The following SLC6A11 variants were observed in gnomAD, a reference collection of about 807,000 sequenced individuals.
SLC6A11 encodes the protein sodium- and chloride-dependent GABA transporter 3.
In SLC6A11, 25 loss-of-function variants were observed where a neutral mutation model predicts 74.8. The observed-to-expected ratio is 0.33, with a 90% confidence interval of 0.24 to 0.47. The LOEUF (loss-of-function observed/expected upper bound fraction) is 0.47. SLC6A11 is among the 20% of genes least tolerant of loss of function. The pLI is 1.00. For missense variants in SLC6A11, 574 were observed against 837.0 expected (o/e 0.69, Z 3.88); for synonymous variants, 330 against 330.2 (o/e 1.00, Z 0.01).
intron 6 of SLC6A11, among the ~76,000 whole-genome samples, chr3:10,886,120 T>C (rs908368072): frequency 2.0e-5 from 3 of 152,226 alleles, no homozygotes; most frequent in African/African-American, 7.2e-5. Flanking sequence ...TCTCTCAGGA[T>C]TGCAGTCTAG....
chr3:10,902,823 C>T (rs536623613), intron 6 of SLC6A11, among the ~76,000 whole-genome samples: 2 of 152,288 alleles, frequency 1.3e-5, no homozygotes, highest in African/African-American at 4.8e-5. Context: ...TTCATTTGTT[C>T]GTAAGCCCAA....
chr3:10,923,324 G>C (rs1395862880), intron 8 of SLC6A11, among the ~76,000 whole-genome samples: 1 of 151,002 alleles, frequency 6.6e-6, no homozygotes, highest in Non-Finnish European at 1.5e-5. Flanking sequence ...GGTGAAGCTA[G>C]AACATTTTTG....
At chr3:10,859,092 A>G (rs1302632968) in intron 5 of SLC6A11, among the ~76,000 whole-genome samples, 1 of 152,228 alleles carries the variant, frequency 6.6e-6, no homozygotes, top group East Asian at 1.9e-4. Flanking sequence ...GGATTCTATG[A>G]CCAAGCTTTA....
intron 5 of SLC6A11, among the ~76,000 whole-genome samples, chr3:10,874,015 ATACCAT>A (rs1694878657): frequency 1.3e-5 from 2 of 152,068 alleles, no homozygotes; most frequent in African/African-American, 2.4e-5. Context: ...ATGCTATGCT[ATACCAT>A]CCTATCCTAT....
chr3:10,877,572 C>T (rs952726123), intron 6 of SLC6A11, among the ~76,000 whole-genome samples: 3 of 152,204 alleles, frequency 2.0e-5, no homozygotes, highest in Non-Finnish European at 4.4e-5. Context: ...TGATCAGCCA[C>T]AACCCTCTGA....
At chr3:10,879,864 A>G (rs1282374375) in intron 6 of SLC6A11, among the ~76,000 whole-genome samples, 3 of 152,220 alleles carry the variant, frequency 2.0e-5, no homozygotes, top group South Asian at 2.1e-4. Context: ...AAATGCTTCA[A>G]TGAGCATTGG....
chr3:10,872,723 T>C (rs528548822), intron 5 of SLC6A11, among the ~76,000 whole-genome samples: 6 of 152,268 alleles, frequency 3.9e-5, no homozygotes, highest in African/African-American at 1.2e-4. Context: ...AATAAAGGAA[T>C]ACATGAATGA....
chr3:10,894,239 G>A (rs1695143294), intron 6 of SLC6A11, among the ~76,000 whole-genome samples: 1 of 152,216 alleles, frequency 6.6e-6, no homozygotes, highest in Non-Finnish European at 1.5e-5. Flanking sequence ...AACTGGCGCC[G>A]TTTAAAGCTG....
intron 6 of SLC6A11, among the ~76,000 whole-genome samples, chr3:10,906,820 C>A (rs1695308921): frequency 6.6e-6 from 1 of 152,170 alleles, no homozygotes; most frequent in African/African-American, 2.4e-5. Context: ...TCAGAAAGTA[C>A]TATCTGTATG....
rs1575702654 is a variant in SLC6A11, at chr3:10,918,180, T to C, written c.996-149T>C. 7.6e-6 allele frequency: 6 copies of C among 792,468 alleles called. No individual in the cohort carries two copies. In the East Asian group the frequency reaches 1.9e-4, roughly 25 times the overall value. 49.1% of individuals were successfully genotyped at this position (792,468 alleles called of 1,614,324 possible). A position where few individuals can be genotyped will look rare whatever the true frequency, so the allele number is the denominator to read the frequency against. On this transcript the variant is annotated intron_variant, in intron 7 of 13. Transcript: ENST00000254488. This position sits in a 1 kb window ranked among gnomAD's most constrained non-coding sequence, Gnocchi z 4.5. The stretch of plus-strand genomic sequence containing the variant: ...CCAGCCACCTAACCTCTCTGAACCA[T>C]GAGTGCTCCATCAGAAAAACAGAGC...
chr3:10,887,472 G>C (rs934555946), intron 6 of SLC6A11, among the ~76,000 whole-genome samples: 1 of 152,106 alleles, frequency 6.6e-6, no homozygotes, highest in Non-Finnish European at 1.5e-5. Context: ...TTGAGATGGA[G>C]TCTCACTCTG....
At chr3:10,924,169 G>C (rs559326602) in intron 8 of SLC6A11, among the ~76,000 whole-genome samples, 1 of 152,150 alleles carries the variant, frequency 6.6e-6, no homozygotes, top group African/African-American at 2.4e-5. Context: ...GGCAGAATAT[G>C]AATAAGCTCT....
intron 13 of SLC6A11, among the ~76,000 whole-genome samples, chr3:10,937,123 A>T (rs1252392577): frequency 6.6e-6 from 1 of 152,208 alleles, no homozygotes; most frequent in East Asian, 1.9e-4. Context: ...GATGCATCCT[A>T]CTGAATGATA....
At chr3:10,864,897 A>T (rs957555390) in intron 5 of SLC6A11, among the ~76,000 whole-genome samples, 2 of 152,114 alleles carry the variant, frequency 1.3e-5, no homozygotes, top group African/African-American at 4.8e-5. Context: ...TTCCCAGCCA[A>T]TGGATTATCA....
intron 4 of SLC6A11, among the ~76,000 whole-genome samples, chr3:10,838,249 G>A (rs1694392257): frequency 6.6e-6 from 1 of 152,238 alleles, no homozygotes. Context: ...GGAGCCGGAA[G>A]CTTCAGGTGG....
chr3:10,827,713 A>G (rs1171717969), intron 4 of SLC6A11, among the ~76,000 whole-genome samples: 1 of 152,216 alleles, frequency 6.6e-6, no homozygotes, highest in Non-Finnish European at 1.5e-5. Flanking sequence ...AAGATGGAAG[A>G]TGAGGTTCTA....
At chr3:10,900,714 G>A (rs1375421392) in intron 6 of SLC6A11, among the ~76,000 whole-genome samples, 3 of 152,186 alleles carry the variant, frequency 2.0e-5, no homozygotes, top group Non-Finnish European at 4.4e-5. Context: ...AGATGATGAG[G>A]CTTCATCCTA....
intron 1 of SLC6A11, among the ~76,000 whole-genome samples, chr3:10,817,261 C>T (rs1277174435): frequency 6.6e-6 from 1 of 152,160 alleles, no homozygotes; most frequent in Non-Finnish European, 1.5e-5. Flanking sequence ...GTCTGAGAGT[C>T]ACCCACGACA....
chr3:10,821,730 T>A (rs2106570297), intron 3 of SLC6A11, among the ~76,000 whole-genome samples: 1 of 152,348 alleles, frequency 6.6e-6, no homozygotes, highest in South Asian at 2.1e-4. Flanking sequence ...TCACAAAGAC[T>A]TTATAACTTG....
Sources: allele counts gnomAD v4.1 joint callset (sites outside exome capture counted in the v4.1 genomes callset), GRCh38; gene constraint gnomAD v4.1.1; non-coding constraint Gnocchi (gnomAD v3.1); transcripts MANE v1.5; gene names NCBI Gene and HGNC (gene_info 2026-07-23, HGNC 2026-07-21).